The following AHRR variants were observed in gnomAD, a reference collection of about 807,000 sequenced individuals.
AHRR encodes the protein ahR repressor.
In AHRR, 28 loss-of-function variants were observed where a neutral mutation model predicts 44.0. The ratio of observed to expected loss-of-function variants is 0.64; its 90% confidence interval spans 0.47 to 0.87. AHRR has a LOEUF of 0.87. Among genes scored for constraint, AHRR ranks in the 40% least tolerant of loss-of-function variants. AHRR has a pLI of 0.00. For missense variants in AHRR, 990 were observed against 953.9 expected, an observed-to-expected ratio of 1.04 and a Z score of -0.50; for synonymous variants, 434 against 407.0, an observed-to-expected ratio of 1.07 and a Z score of -0.80.
Position 434,654 on chromosome 5 carries a change from C to G in AHRR, c.1914C>G (p.Gly638=). The change falls in exon 11 of 11, where the codon GGC becomes GGG. Residue 638 remains glycine, a synonymous_variant. Coordinates refer to ENST00000684583, the MANE Select transcript of AHRR (RefSeq NM_001377236.1). ...SEPPHQLCAR[G]RGEQSCTCRA... Reference sequence around the variant, plus strand: ...CTCCCCACCAGCTCTGTGCACGGGGCCGAGGTGAACAGTCCTGCACCTGCA... The same window carrying G: ...CTCCCCACCAGCTCTGTGCACGGGGGCGAGGTGAACAGTCCTGCACCTGCA... 1 of 1,564,542 alleles carries G rather than the reference C, an allele frequency of 6.4e-7. No homozygotes were observed. Among genetic ancestry groups the G allele is most frequent in the Non-Finnish European group, 8.7e-7 (1 of 1,154,584 alleles).
intron 3 of AHRR, among the ~76,000 whole-genome samples, chr5:363,181 T>C (rs1425594151): frequency 2.0e-5 from 3 of 152,216 alleles, no homozygotes; most frequent in Admixed American, 6.5e-5. Flanking sequence ...AGCTGGTAGC[T>C]ATGGCTTCCA....
At chr5:344,900 G>A (rs1742547325) in intron 2 of AHRR, among the ~76,000 whole-genome samples, 1 of 135,038 alleles carries the variant, frequency 7.4e-6, no homozygotes, top group African/African-American at 2.8e-5. Flanking sequence ...GTGTGAGACT[G>A]CGTGTGCAGG....
chr5:365,775 T>A (rs1281123459), intron 3 of AHRR, among the ~76,000 whole-genome samples: 2 of 151,860 alleles, frequency 1.3e-5, no homozygotes, highest in Non-Finnish European at 2.9e-5. Flanking sequence ...AATGAAAAAA[T>A]TCCTAGAAAA....
chr5:412,852 C>G (rs1735526027), intron 4 of AHRR, among the ~76,000 whole-genome samples: 1 of 151,836 alleles, frequency 6.6e-6, no homozygotes, highest in African/African-American at 2.4e-5. Flanking sequence ...TTCCAAGTAG[C>G]TGGGACTACA....
At chr5:426,808 GGATA>G (rs1458739878) in intron 7 of AHRR, among the ~76,000 whole-genome samples, 5 of 151,106 alleles carry the variant, frequency 3.3e-5, no homozygotes, top group Non-Finnish European at 5.9e-5. Context: ...ATGGATGGAT[GGATA>G]GATGGGAATA....
intron 4 of AHRR, among the ~76,000 whole-genome samples, chr5:409,548 A>G (rs1305268337): frequency 2.6e-5 from 4 of 152,224 alleles, no homozygotes; most frequent in South Asian, 2.1e-4. Flanking sequence ...TAACTTGCAC[A>G]TCCCTGATGG....
intron 5 of AHRR, among the ~76,000 whole-genome samples, chr5:420,116 G>C (rs116166042): frequency 6.6e-6 from 1 of 152,252 alleles, no homozygotes; most frequent in Non-Finnish European, 1.5e-5. Flanking sequence ...TGCCGCCATA[G>C]AGCGGCAGAA....
chr5:328,281 T>C (rs1741787871), intron 1 of AHRR, among the ~76,000 whole-genome samples: 1 of 129,868 alleles, frequency 7.7e-6, no homozygotes, highest in African/African-American at 3.8e-5. Context: ...TTTTTTTTTT[T>C]TTTTGAGACA....
intron 1 of AHRR, among the ~76,000 whole-genome samples, chr5:330,076 C>CA (rs1741857512): frequency 6.6e-6 from 1 of 152,120 alleles, no homozygotes; most frequent in Non-Finnish European, 1.5e-5. Context: ...AACTTTTCCT[C>CA]ATTCAGTATG....
At chr5:369,064 C>T (rs1442718622) in intron 3 of AHRR, among the ~76,000 whole-genome samples, 1 of 152,174 alleles carries the variant, frequency 6.6e-6, no homozygotes, top group Non-Finnish European at 1.5e-5. Context: ...CTTTGAAGGA[C>T]ATTTTTAAAC....
At chr5:356,174 C>T (rs1743038270) in intron 3 of AHRR, among the ~76,000 whole-genome samples, 1 of 152,174 alleles carries the variant, frequency 6.6e-6, no homozygotes, top group African/African-American at 2.4e-5. Context: ...TTACTATTCA[C>T]ACCAGGGGAA....
At position 434,429 on chromosome 5, in the gene AHRR, A is replaced by G; in HGVS notation, c.1689A>G (p.Pro563=). The stretch of plus-strand genomic sequence containing the variant: ...TGGGGGCCAGTGACAGGAGCCACCC[A>G]GCCACCTTCCCTACCAGGATGCACC... ...VWLGASDRSH[P]ATFPTRMHLK... The change falls in exon 11 of 11, where the codon CCA becomes CCG. Residue 563 remains proline (P), a synonymous_variant. Transcript: ENST00000684583. 6.2e-7 allele frequency: 1 copy of G among 1,613,342 alleles called. No individual in the cohort carries two copies. The highest frequency in any genetic ancestry group is 8.5e-7 in the Non-Finnish European group (1 of 1,179,956).
chr5:428,541 C>T (rs987590088), intron 8 of AHRR, among the ~76,000 whole-genome samples: 1 of 152,226 alleles, frequency 6.6e-6, no homozygotes, highest in Non-Finnish European at 1.5e-5. Flanking sequence ...CCCTGTTGGT[C>T]CCCGAGCTTG....
Position 343,261 on chromosome 5 carries a change from AC to A in AHRR, c.-10-631del, listed in dbSNP as rs544788275. Reference sequence around the variant, plus strand: ...CACATACCTTCTCGGGGTGACAGGAACACGGGACCCCACATACCTTTTCGGG... The same window carrying A: ...CACATACCTTCTCGGGGTGACAGGAAACGGGACCCCACATACCTTTTCGGG... On this transcript the variant is annotated intron_variant, in intron 1 of 10. Coordinates refer to ENST00000684583, the MANE Select transcript of AHRR (RefSeq NM_001377236.1). Among the ~76,000 whole-genome samples, 144 of 148,416 alleles carry A rather than the reference AC, an allele frequency of 9.7e-4. 9 individuals are homozygous for A. The highest frequency in any genetic ancestry group is 1.8e-3 in the Non-Finnish European group (120 of 66,074).
At chr5:415,716 T>TAGGGGCCGAATCTCCCTGGTCGGGC (rs1560916531) in intron 5 of AHRR, among the ~76,000 whole-genome samples, 2 of 124,158 alleles carry the variant, frequency 1.6e-5, no homozygotes, top group Non-Finnish European at 1.8e-5. Context: ...CCTGGTCGGC[T>TAGGGGCCGAATCTCCCTGGTCGGGC]GGGAGGCCTA....
rs78997380 is a variant in AHRR, at chr5:405,619, G to A, written c.352-7725G>A. Among the ~76,000 whole-genome samples the A allele has an allele frequency of 0.015, 2,288 of 152,264 alleles. 54 individuals carry two copies. The highest frequency in any genetic ancestry group is 0.053 in the African/African-American group (2,206 of 41,548). On this transcript the variant is annotated intron_variant, in intron 4 of 10. Coordinates refer to ENST00000684583, the MANE Select transcript of AHRR (RefSeq NM_001377236.1). The surrounding 1 kb of genome is among the most constrained non-coding windows in gnomAD (Gnocchi z 4.5). ...CCTCTGTATCCAGAACCAAGTGGGC[G>A]GCACACCCTTCAGGTCGGTGGGAGT...
chr5:427,260 C>T (rs1221182481), intron 7 of AHRR, among the ~76,000 whole-genome samples: 2 of 152,168 alleles, frequency 1.3e-5, no homozygotes, highest in Non-Finnish European at 2.9e-5. Flanking sequence ...ATTTTATTTT[C>T]TTATATAACA....
chr5:412,450 C>A (rs1184848945), intron 4 of AHRR, among the ~76,000 whole-genome samples: 1 of 152,092 alleles, frequency 6.6e-6, no homozygotes, highest in African/African-American at 2.4e-5. Context: ...AGGAAAGGAG[C>A]AGGAGTGACT....
rs984749366 is a variant in AHRR, at chr5:421,191, G to A, written c.442-1538G>A. On this transcript the variant is annotated intron_variant, in intron 5 of 10. Transcript: ENST00000684583. ...TCTGGCGCCCGGCTGGTGCCGGGCA[G>A]GAGGCCCTTGCGGACCCAGCGGCCT... is the stretch of plus-strand genomic sequence containing the variant. 9.3e-6 allele frequency: 6 copies of A among 646,070 alleles called. No homozygotes were observed. In the Admixed American group the frequency reaches 1.4e-4, roughly 15 times the overall value. The allele number at this position is 646,070 out of a possible 1,614,324, so 40.0% of individuals were successfully genotyped here. A position where few individuals can be genotyped will look rare whatever the true frequency, so the allele number is the denominator to read the frequency against.
Sources: gnomAD v4.1 joint callset for allele counts (sites outside exome capture counted in the v4.1 genomes callset) on GRCh38, gnomAD v4.1.1 for gene constraint, Gnocchi (gnomAD v3.1) non-coding constraint, MANE v1.5 for transcripts, NCBI Gene and HGNC (gene_info 2026-07-23, HGNC 2026-07-21) for gene names.